The following ELP4 variants were observed in gnomAD, a reference collection of about 807,000 sequenced individuals.
ELP4 encodes the protein elongator complex protein 4.
In ELP4, 51 loss-of-function variants were observed where a neutral mutation model predicts 48.9. The ratio of observed to expected loss-of-function variants is 1.04; its 90% CI spans 0.83 to 1.32. ELP4 has a LOEUF of 1.32. Ranked by LOEUF, ELP4 falls within the 40% of genes most tolerant of loss-of-function variation. ELP4 has a pLI of 0.00. For missense variants in ELP4, 519 were observed against 514.6 expected (o/e 1.01, Z -0.08); for synonymous variants, 210 against 189.2 (o/e 1.11, Z -0.90).
intron 9 of ELP4, among the ~76,000 whole-genome samples, chr11:31,701,619 A>G (rs1946524220): frequency 1.3e-5 from 2 of 151,326 alleles, no homozygotes; most frequent in South Asian, 2.1e-4. Context: ...TTCTGCTCCT[A>G]TTGCCAAGCC....
Position 31,771,726 on chromosome 11 carries a change from T to C in ELP4, c.1144-11667T>C, listed in dbSNP as rs542596474. Among the ~76,000 whole-genome samples the C allele has an allele frequency of 6.6e-5, 10 of 152,308 alleles. No homozygotes were observed. The South Asian group carries it at 2.1e-3, about 32-fold the overall frequency. ...CGGGCTCAGTGGCTCACGCCTGTAATCCCAGCACTTTGGGAGGCCAAGGCG... is the reference window on the plus strand; with the variant it reads ...CGGGCTCAGTGGCTCACGCCTGTAACCCCAGCACTTTGGGAGGCCAAGGCG... On this transcript the variant is annotated intron_variant, in intron 9 of 9. Transcript: ENST00000640961.
intron 4 of ELP4, among the ~76,000 whole-genome samples, chr11:31,600,887 AT>A (rs1032287184): frequency 6.6e-6 from 1 of 151,800 alleles, no homozygotes; most frequent in Non-Finnish European, 1.5e-5. Context: ...AGAGTACGGT[AT>A]TTTTTTTACC....
At chr11:31,547,829 A>C (rs1457505650) in intron 3 of ELP4, among the ~76,000 whole-genome samples, 1 of 152,242 alleles carries the variant, frequency 6.6e-6, no homozygotes, top group African/African-American at 2.4e-5. Context: ...AGGCTGGTTC[A>C]ATATATACAA....
At chr11:31,762,853 A>G (rs992155773) in intron 9 of ELP4, among the ~76,000 whole-genome samples, 5 of 151,796 alleles carry the variant, frequency 3.3e-5, no homozygotes, top group Non-Finnish European at 7.4e-5. Context: ...TAGAAAAATA[A>G]TTTTTTTCAG....
chr11:31,513,210 G>A (rs1956042311), intron 1 of ELP4, among the ~76,000 whole-genome samples: 1 of 152,056 alleles, frequency 6.6e-6, no homozygotes, highest in African/African-American at 2.4e-5. Flanking sequence ...TAAGAAAAAT[G>A]TATTTTTTAT....
chr11:31,682,842 G>A (rs2134125512), intron 9 of ELP4, among the ~76,000 whole-genome samples: 1 of 152,226 alleles, frequency 6.6e-6, no homozygotes, highest in East Asian at 1.9e-4. Context: ...GTTGCATCTT[G>A]AAAGTCATTT....
intron 3 of ELP4, among the ~76,000 whole-genome samples, chr11:31,556,628 A>C (rs1418683561): frequency 1.3e-5 from 2 of 151,898 alleles, no homozygotes; most frequent in East Asian, 3.8e-4. Context: ...TCAGTTTTAA[A>C]ACTTAATTTG....
intron 3 of ELP4, among the ~76,000 whole-genome samples, chr11:31,545,405 A>G (rs368173926): frequency 1.4e-4 from 22 of 152,246 alleles, no homozygotes; most frequent in East Asian, 9.7e-4. Flanking sequence ...TGAAATGAAT[A>G]AAATGAAGCG....
At chr11:31,733,118 T>C (rs1034624928) in intron 9 of ELP4, among the ~76,000 whole-genome samples, 1 of 152,194 alleles carries the variant, frequency 6.6e-6, no homozygotes. Context: ...ATTGTTCTCA[T>C]GCACACATAG....
At chr11:31,573,126 G>C (rs1417727371) in intron 3 of ELP4, among the ~76,000 whole-genome samples, 1 of 152,204 alleles carries the variant, frequency 6.6e-6, no homozygotes, top group African/African-American at 2.4e-5. Context: ...ACAATTCAGT[G>C]AGTTTGAGTA....
At chr11:31,517,519 CT>C (rs374908024) in intron 1 of ELP4, among the ~76,000 whole-genome samples, 308 of 152,212 alleles carry the variant, frequency 2.0e-3, no homozygotes, top group African/African-American at 7.0e-3. Flanking sequence ...GACTACAAAA[CT>C]TTTTTGTGGA....
intron 6 of ELP4, among the ~76,000 whole-genome samples, chr11:31,629,218 A>G (rs886702961): frequency 1.3e-5 from 2 of 151,988 alleles, no homozygotes; most frequent in African/African-American, 2.4e-5. Context: ...TTGAACATGG[A>G]TTTTACTTAG....
At chr11:31,534,823 G>A (rs1464171041) in intron 2 of ELP4, among the ~76,000 whole-genome samples, 1 of 152,120 alleles carries the variant, frequency 6.6e-6, no homozygotes, top group Non-Finnish European at 1.5e-5. Context: ...TCTCTAAACT[G>A]ACTTAATAGT....
At chr11:31,564,078 A>G (rs181632103) in intron 3 of ELP4, among the ~76,000 whole-genome samples, 1 of 152,328 alleles carries the variant, frequency 6.6e-6, no homozygotes, top group East Asian at 1.9e-4. Flanking sequence ...TATAGTAGTG[A>G]TCACCTCTGG....
chr11:31,681,015 TAA>T (rs936478273), intron 9 of ELP4, among the ~76,000 whole-genome samples: 1 of 152,244 alleles, frequency 6.6e-6, no homozygotes, highest in Non-Finnish European at 1.5e-5. Flanking sequence ...AACCTGAGGT[TAA>T]GTTTTCTTGG....
intron 9 of ELP4, among the ~76,000 whole-genome samples, chr11:31,701,725 C>T (rs575254102): frequency 6.7e-6 from 1 of 149,774 alleles, no homozygotes; most frequent in Non-Finnish European, 1.5e-5. Context: ...AATATATATA[C>T]ACACATTATA....
At chr11:31,657,922 A>G (rs1350169201) in intron 9 of ELP4, among the ~76,000 whole-genome samples, 2 of 152,170 alleles carry the variant, frequency 1.3e-5, no homozygotes, top group East Asian at 1.9e-4. Flanking sequence ...GCTTAAAGGC[A>G]TTATTTCATA....
intron 7 of ELP4, among the ~76,000 whole-genome samples, chr11:31,640,152 A>T (rs1945061744): frequency 6.6e-6 from 1 of 151,958 alleles, no homozygotes; most frequent in African/African-American, 2.4e-5. Flanking sequence ...GGAGAAAAAG[A>T]GGGGAAATGA....
chr11:31,704,777 G>A (rs974965997), intron 9 of ELP4, among the ~76,000 whole-genome samples: 5 of 152,008 alleles, frequency 3.3e-5, no homozygotes, highest in East Asian at 1.9e-4. Flanking sequence ...TTGGGAGGCC[G>A]AGGTGGGTGG....
Sources: gnomAD v4.1 joint callset for allele counts (sites outside exome capture counted in the v4.1 genomes callset) on GRCh38, gnomAD v4.1.1 for gene constraint, MANE v1.5 for transcripts, NCBI Gene and HGNC (gene_info 2026-07-23, HGNC 2026-07-21) for gene names.